NHSL2: variants seen among roughly 807,000 people sequenced by gnomAD.
The protein encoded by NHSL2 is NHS like 2.
NHSL2 carries 27 observed loss-of-function variants against 53.4 expected under a neutral mutation model. The observed-to-expected ratio is 0.51, with a 90% CI of 0.37 to 0.70. The LOEUF (loss-of-function observed/expected upper bound fraction) is 0.70. Among genes scored for constraint, NHSL2 ranks in the 30% least tolerant of loss-of-function variants. The pLI, the probability that NHSL2 is intolerant of heterozygous loss-of-function variation, is 0.00. For synonymous variants in NHSL2, 408 were observed against 404.1 expected (o/e 1.01, Z -0.12); for missense variants, 892 against 980.1 (o/e 0.91, Z 1.20).
In NHSL2 at chrX:71,918,376, T is replaced by G. The variant is rs1168604186; in HGVS notation, c.280+7009T>G. On this transcript the variant is annotated intron_variant, in intron 1 of 7. Coordinates refer to ENST00000633930, the MANE Select transcript of NHSL2 (RefSeq NM_001013627.3). Reference sequence around the variant, plus strand: ...AAAATCAGAATTTTTTTTTTTTTTTTAAAATGGACTCAAAGAGGAGATGAG... The same window carrying G: ...AAAATCAGAATTTTTTTTTTTTTTTGAAAATGGACTCAAAGAGGAGATGAG... Among the ~76,000 whole-genome samples, 270 of 104,190 alleles carry G rather than the reference T, an allele frequency of 2.6e-3. 2 individuals carry two copies. The highest frequency in any genetic ancestry group is 8.9e-3 in the African/African-American group (257 of 28,768). 90.5% of individuals were successfully genotyped at this position (104,190 alleles called of 115,157 possible).
At chrX:72,132,265 G>C (rs1295799762) in intron 2 of NHSL2, 31 bp downstream of exon 2, 1 of 1,127,124 alleles carries the variant, frequency 8.9e-7, no homozygotes, top group Admixed American at 2.9e-5. Flanking sequence ...TGCGGCCGGA[G>C]CCCAGAAGCG....
intron 1 of NHSL2, among the ~76,000 whole-genome samples, chrX:72,022,432 G>A (rs1234558211): frequency 9.0e-6 from 1 of 111,080 alleles, no homozygotes; most frequent in African/African-American, 3.3e-5. Flanking sequence ...TTACAGTTCT[G>A]GAAGCTGGGA....
At chrX:71,917,885 A>C (rs1030931874) in intron 1 of NHSL2, among the ~76,000 whole-genome samples, 1 of 111,739 alleles carries the variant, frequency 8.9e-6, no homozygotes, top group African/African-American at 3.3e-5. Context: ...ATAAGCCCCC[A>C]GGGTGGAGGT....
chrX:72,128,970 T>A (rs1224607879), intron 1 of NHSL2: 1 of 113,506 alleles, frequency 8.8e-6, no homozygotes, highest in Non-Finnish European at 1.9e-5. Flanking sequence ...TCCGGAACCC[T>A]AACTGGCTAC....
In NHSL2 at chrX:72,140,128, C is replaced by T. The variant is rs146992193; in HGVS notation, c.2580C>T (p.Phe860=). The change falls in exon 6 of 8, where the codon TTC becomes TTT. Residue 860 remains phenylalanine (F), a synonymous_variant. Coordinates refer to ENST00000633930, the MANE Select transcript of NHSL2 (RefSeq NM_001013627.3). The stretch of plus-strand genomic sequence containing the variant: ...AGGAACCCAGAGCAGAAGAAGTCTT[C>T]ACCTTGCCAGAGAGAAAGACAAAAC... The part of the protein sequence containing the change: ...YAEEPRAEEV[F]TLPERKTKPP... 9.0e-5 allele frequency: 109 copies of T among 1,208,828 alleles called. 1 individual carries two copies. The African/African-American group carries it at 1.3e-3, about 15-fold the overall frequency.
At chrX:72,106,066 G>A (rs779535540) in intron 1 of NHSL2, among the ~76,000 whole-genome samples, 1 of 111,062 alleles carries the variant, frequency 9.0e-6, no homozygotes, top group Non-Finnish European at 1.9e-5. Flanking sequence ...AACATTAGCC[G>A]GGCGAGGTGG....
intron 1 of NHSL2, among the ~76,000 whole-genome samples, chrX:71,971,295 G>A (rs746582164): frequency 1.5e-3 from 172 of 111,483 alleles, no homozygotes; most frequent in African/African-American, 5.4e-3. Flanking sequence ...TTTTTATATA[G>A]CTCCCTTCCC....
chrX:71,970,383 T>A (rs2041919971), intron 1 of NHSL2, among the ~76,000 whole-genome samples: 1 of 111,833 alleles, frequency 8.9e-6, no homozygotes, highest in Non-Finnish European at 1.9e-5. Flanking sequence ...TGGGAAGTTT[T>A]AAAATTATTA....
chrX:71,955,158 C>T (rs1385890635), intron 1 of NHSL2, among the ~76,000 whole-genome samples: 2 of 111,850 alleles, frequency 1.8e-5, no homozygotes, highest in African/African-American at 3.3e-5. Context: ...AGCTCACATC[C>T]GAAGCGCCGG....
chrX:72,013,940 C>T (rs997859614), intron 1 of NHSL2, among the ~76,000 whole-genome samples: 7 of 111,740 alleles, frequency 6.3e-5, no homozygotes, highest in African/African-American at 2.0e-4. Flanking sequence ...GTGAAACCAT[C>T]TGGACCTGGA....
rs762020050 is a variant in NHSL2 at position 71,991,848 on chromosome X, C to G, written c.280+80481C>G. 1.9e-3 allele frequency among the ~76,000 whole-genome samples: 210 copies of G among 108,851 alleles called. 1 individual carries two copies. Among genetic ancestry groups the G allele is most frequent in the African/African-American group, 6.8e-3 (204 of 29,998 alleles). 94.5% of individuals were successfully genotyped at this position (108,851 alleles called of 115,157 possible). A position where few individuals can be genotyped will look rare whatever the true frequency, so the allele number is the denominator to read the frequency against. The stretch of plus-strand genomic sequence containing the variant: ...TCTCTCTCTCTCTCTCTCTCTCTCT[C>G]TCTGTCTTTGGCTGTCAGTGGCCTA... On this transcript the variant is annotated intron_variant, in intron 1 of 7. Transcript: ENST00000633930.
chrX:72,087,403 G>C (rs576518545), intron 1 of NHSL2, among the ~76,000 whole-genome samples: 1 of 112,467 alleles, frequency 8.9e-6, no homozygotes, highest in East Asian at 2.8e-4. Flanking sequence ...GTGTCTGTTT[G>C]GGGTGATGAA....
chrX:71,964,346 G>A (rs1484445600), intron 1 of NHSL2, among the ~76,000 whole-genome samples: 1 of 107,520 alleles, frequency 9.3e-6, no homozygotes, highest in African/African-American at 3.4e-5. Flanking sequence ...AGTTTGCTGA[G>A]AATGATGGTT....
chrX:72,139,935 T>C lies in NHSL2; in HGVS notation c.2387T>C (p.Val796Ala). Residue 796 changes from valine to alanine, a missense_variant, in exon 6 of 8, where the codon GTG becomes GCG. By Grantham distance (64) the Val-to-Ala change is moderately conservative. Coordinates refer to ENST00000633930, the MANE Select transcript of NHSL2 (RefSeq NM_001013627.3). ...ATCTCCATCCGAAGCAAAACTAAGG[T>C]GAGTCGGCACCACTCAGAGACAAAT... ...MSISIRSKTK[V>A]SRHHSETNFG... The C allele has an allele frequency of 8.3e-7, 1 of 1,209,753 alleles. No individual in the cohort carries two copies. Among genetic ancestry groups the C allele is most frequent in the Non-Finnish European group, 1.1e-6 (1 of 894,533 alleles).
chrX:71,924,119 C>T (rs1800287740), intron 1 of NHSL2, among the ~76,000 whole-genome samples: 1 of 111,855 alleles, frequency 8.9e-6, no homozygotes, highest in Admixed American at 9.5e-5. Context: ...AAAGACTTAC[C>T]TTTTGCTCTT....
intron 1 of NHSL2, among the ~76,000 whole-genome samples, chrX:72,041,344 A>G (rs1221743815): frequency 8.9e-6 from 1 of 111,747 alleles, no homozygotes; most frequent in African/African-American, 3.3e-5. Context: ...GGACCGTGGG[A>G]AACTGGAGAG....
intron 1 of NHSL2, among the ~76,000 whole-genome samples, chrX:72,068,895 G>C (rs987712954): frequency 1.8e-5 from 2 of 111,980 alleles, no homozygotes; most frequent in African/African-American, 6.5e-5. Context: ...GCCACACTGG[G>C]CATTCTTGTG....
At chrX:71,949,206 T>C (rs1301680068) in intron 1 of NHSL2, among the ~76,000 whole-genome samples, 1 of 111,608 alleles carries the variant, frequency 9.0e-6, no homozygotes, top group Non-Finnish European at 1.9e-5. Flanking sequence ...TGCTCTTACT[T>C]GATCAAATAA....
intron 1 of NHSL2, among the ~76,000 whole-genome samples, chrX:72,007,063 T>C (rs73561867): frequency 0.091 from 10,164 of 111,455 alleles, 1,141 homozygotes; most frequent in African/African-American, 0.32. Flanking sequence ...TTTTACCTGC[T>C]CTCTCCCTAC....
Sources: allele counts gnomAD v4.1 joint callset (sites outside exome capture counted in the v4.1 genomes callset), GRCh38; gene constraint gnomAD v4.1.1; transcripts MANE v1.5; gene names NCBI Gene and HGNC (gene_info 2026-07-23, HGNC 2026-07-21).